Variants in LPP observed in about 807,000 individuals in gnomAD.
The protein encoded by LPP is lipoma-preferred partner.
In LPP, 38 loss-of-function variants were observed where a neutral mutation model predicts 60.4. The observed-to-expected ratio is 0.63, with a 90% confidence interval of 0.49 to 0.83. The LOEUF (loss-of-function observed/expected upper bound fraction) is 0.83. LPP is among the 40% of genes least tolerant of loss of function. The probability of loss-of-function intolerance (pLI) is 0.00; values close to 1 mark genes in which losing one functional copy is unlikely to be tolerated. For synonymous variants in LPP, 328 were observed against 290.8 expected (o/e 1.13, Z -1.30); for missense variants, 902 against 783.6 (o/e 1.15, Z -1.80).
At chr3:188,445,835 C>G (rs1795101980) in intron 4 of LPP, among the ~76,000 whole-genome samples, 1 of 152,126 alleles carries the variant, frequency 6.6e-6, no homozygotes. Flanking sequence ...GAGACACACA[C>G]ATCTCCAACA....
intron 5 of LPP, among the ~76,000 whole-genome samples, chr3:188,508,562 T>A (rs1193354829): frequency 6.6e-6 from 1 of 152,246 alleles, no homozygotes; most frequent in Non-Finnish European, 1.5e-5. Context: ...CTATGAATAA[T>A]GCCAACTTAT....
chr3:188,421,909 A>G (rs1560382755), intron 4 of LPP, among the ~76,000 whole-genome samples: 1 of 152,178 alleles, frequency 6.6e-6, no homozygotes, highest in Non-Finnish European at 1.5e-5. Context: ...CACCAAGGTT[A>G]TGGCTCCTAA....
At chr3:188,732,040 C>A (rs1181360312) in intron 8 of LPP, among the ~76,000 whole-genome samples, 1 of 152,136 alleles carries the variant, frequency 6.6e-6, no homozygotes, top group African/African-American at 2.4e-5. Context: ...GCTGTTCACC[C>A]CGACTCCCAT....
intron 6 of LPP, among the ~76,000 whole-genome samples, chr3:188,598,552 C>T (rs1840434383): frequency 6.6e-6 from 1 of 152,072 alleles, no homozygotes; most frequent in Non-Finnish European, 1.5e-5. Flanking sequence ...AATCACATTG[C>T]TAAAATCTTT....
At chr3:188,386,101 A>G (rs1778195081) in intron 3 of LPP, among the ~76,000 whole-genome samples, 1 of 152,112 alleles carries the variant, frequency 6.6e-6, no homozygotes, top group Non-Finnish European at 1.5e-5. Flanking sequence ...AGTATGAGAA[A>G]TGATTGATGT....
chr3:188,294,681 T>G (rs1478450515), intron 2 of LPP, among the ~76,000 whole-genome samples: 1 of 152,158 alleles, frequency 6.6e-6, no homozygotes, highest in Non-Finnish European at 1.5e-5. Context: ...TAAATAGGCA[T>G]TAGGGATTGT....
At chr3:188,715,874 A>G (rs931449305) in intron 8 of LPP, among the ~76,000 whole-genome samples, 4 of 152,242 alleles carry the variant, frequency 2.6e-5, no homozygotes, top group African/African-American at 9.6e-5. Flanking sequence ...CTGTTGGAAG[A>G]CAGTATCTCT....
chr3:188,770,344 A>ATTTTTTTTTTTTTTTTTT (rs61040174), intron 9 of LPP, among the ~76,000 whole-genome samples: 2 of 115,412 alleles, frequency 1.7e-5, no homozygotes, highest in African/African-American at 3.2e-5. Flanking sequence ...ACGCCCAGCT[A>ATTTTTTTTTTTTTTTTTT]TTTTTTTTTT....
chr3:188,367,551 G>A (rs940313652), intron 3 of LPP, among the ~76,000 whole-genome samples: 2 of 152,204 alleles, frequency 1.3e-5, no homozygotes, highest in African/African-American at 4.8e-5. Context: ...AGAGTTAAAT[G>A]TACAAGTTCC....
chr3:188,157,027 T>C (rs1716709101), intron 1 of LPP, among the ~76,000 whole-genome samples: 1 of 152,228 alleles, frequency 6.6e-6, no homozygotes, highest in Admixed American at 6.5e-5. Context: ...TTTCACATTT[T>C]AATATCACTG....
At chr3:188,691,805 T>G (rs1291317824) in intron 7 of LPP, among the ~76,000 whole-genome samples, 1 of 152,200 alleles carries the variant, frequency 6.6e-6, no homozygotes, top group Non-Finnish European at 1.5e-5. Context: ...CCATCTAACA[T>G]TGTGGTCCAA....
At chr3:188,757,105 C>T (rs1323720824) in intron 8 of LPP, among the ~76,000 whole-genome samples, 2 of 152,204 alleles carry the variant, frequency 1.3e-5, no homozygotes, top group Non-Finnish European at 2.9e-5. Context: ...ACAACCTTTC[C>T]TGAGCCCCTG....
At chr3:188,160,653 C>T (rs1717986330) in intron 1 of LPP, among the ~76,000 whole-genome samples, 2 of 152,220 alleles carry the variant, frequency 1.3e-5, no homozygotes, top group Admixed American at 1.3e-4. Flanking sequence ...CCTTCCAACC[C>T]ACACGTATCT....
chr3:188,825,267 CTCTGTGTG>C lies in LPP; in HGVS notation c.1411-40931_1411-40924del, dbSNP rs1231873207. ...TTTCTTTCTCTCTCTCTCTCTCTCT[CTCTGTGTG>C]TGTGTGTGTGTGTGTGTGTGTGTGT... On this transcript the variant is annotated intron_variant, in intron 9 of 11. Transcript: ENST00000617246. Among the ~76,000 whole-genome samples the C allele has an allele frequency of 3.5e-3, 344 of 98,966 alleles. 1 individual carries two copies. Among genetic ancestry groups the C allele is most frequent in the African/African-American group, 0.012 (336 of 28,106 alleles). 64.9% of individuals were successfully genotyped at this position (98,966 alleles called of 152,430 possible).
intron 8 of LPP, among the ~76,000 whole-genome samples, chr3:188,713,876 T>A (rs1041964445): frequency 4.6e-5 from 7 of 152,206 alleles, no homozygotes; most frequent in African/African-American, 1.7e-4. Flanking sequence ...CTACAGTGGG[T>A]CTTTGAAATT....
intron 3 of LPP, among the ~76,000 whole-genome samples, chr3:188,404,663 C>G (rs1179947950): frequency 6.6e-6 from 1 of 152,170 alleles, no homozygotes; most frequent in African/African-American, 2.4e-5. Flanking sequence ...CCCAGCTCTC[C>G]CCTCCACCCT....
At chr3:188,606,729 C>T (rs1055892349) in intron 6 of LPP, among the ~76,000 whole-genome samples, 3 of 152,000 alleles carry the variant, frequency 2.0e-5, no homozygotes, top group African/African-American at 4.8e-5. Context: ...GTGGAAAAGG[C>T]ATTTTGAACC....
chr3:188,882,106 A>G lies in LPP; in HGVS notation c.*7627A>G. On this transcript the variant is annotated 3_prime_UTR_variant, in exon 12 of 12. Coordinates refer to ENST00000617246, the MANE Select transcript of LPP (RefSeq NM_001375462.1). ...AACTTTGATTCTGGCCAACTGTAAT[A>G]AGATCCAACCACTTAAATCTGTACT... 1 of 210,750 alleles carries G rather than the reference A, an allele frequency of 4.7e-6. No individual in the cohort carries two copies. The highest frequency in any genetic ancestry group is 9.6e-6 in the Non-Finnish European group (1 of 103,898). The allele number at this position is 210,750 out of a possible 1,614,324, so 13.1% of individuals were successfully genotyped here.
At chr3:188,604,632 A>G (rs1384803411) in intron 6 of LPP, among the ~76,000 whole-genome samples, 2 of 152,196 alleles carry the variant, frequency 1.3e-5, no homozygotes, top group Admixed American at 1.3e-4. Context: ...GGAAAATAAG[A>G]TAGTTCATAT....
Sources: gnomAD v4.1 joint callset for allele counts (sites outside exome capture counted in the v4.1 genomes callset) on GRCh38, gnomAD v4.1.1 for gene constraint, MANE v1.5 for transcripts, NCBI Gene and HGNC (gene_info 2026-07-23, HGNC 2026-07-21) for gene names.